The following MRPL48 variants were observed in gnomAD, a reference collection of about 807,000 sequenced individuals.
MRPL48 encodes the protein large ribosomal subunit protein mL48.
MRPL48 carries 16 observed loss-of-function variants against 32.9 expected under a neutral mutation model. That is an observed-to-expected ratio of 0.49 (90% confidence interval 0.33 to 0.74). The LOEUF is 0.74. Ranked by LOEUF, MRPL48 falls within the 30% of genes least tolerant of loss-of-function variation. The probability of loss-of-function intolerance (pLI) is 0.02; values close to 1 mark genes in which losing one functional copy is unlikely to be tolerated. For synonymous variants in MRPL48, 94 were observed against 89.2 expected (o/e 1.05, Z -0.31); for missense variants, 206 against 245.3 (o/e 0.84, Z 1.07).
chr11:73,858,746 C>T (rs1948530933), intron 5 of MRPL48, among the ~76,000 whole-genome samples: 1 of 152,138 alleles, frequency 6.6e-6, no homozygotes, highest in South Asian at 2.1e-4. Flanking sequence ...TCCATGTAGC[C>T]ATTAGTCCAG....
At position 73,798,293 on chromosome 11, in the gene MRPL48, C is replaced by T. The variant is rs58755935; in HGVS notation, c.22-6734C>T. Among the ~76,000 whole-genome samples, 577 of 152,164 alleles carry T rather than the reference C, an allele frequency of 3.8e-3. 4 individuals are homozygous for T. Among genetic ancestry groups the T allele is most frequent in the African/African-American group, 0.013 (548 of 41,522 alleles). ...AAATACAGCCTTTTACAAAATACAG[C>T]CTGTTGGCCAGGCTGGTTTCAAACT... On this transcript the variant is annotated intron_variant, in intron 1 of 7. Coordinates refer to ENST00000310614, the MANE Select transcript of MRPL48 (RefSeq NM_016055.6).
At chr11:73,821,364 T>C (rs1054604865) in intron 3 of MRPL48, among the ~76,000 whole-genome samples, 1 of 152,130 alleles carries the variant, frequency 6.6e-6, no homozygotes, top group Non-Finnish European at 1.5e-5. Flanking sequence ...TAGACTATAA[T>C]CTCCATAAGC....
chr11:73,848,518 T>A (rs1948335988), intron 5 of MRPL48, among the ~76,000 whole-genome samples: 1 of 149,058 alleles, frequency 6.7e-6, no homozygotes, highest in African/African-American at 2.5e-5. Flanking sequence ...TTGTGTTGAA[T>A]CTGTAGATCA....
intron 5 of MRPL48, among the ~76,000 whole-genome samples, chr11:73,846,285 C>T (rs1948285836): frequency 2.0e-5 from 3 of 151,920 alleles, no homozygotes; most frequent in African/African-American, 7.2e-5. Context: ...CAAAGGTCAT[C>T]CATGTGGTAG....
Position 73,835,053 on chromosome 11 carries a change from A to G in MRPL48, c.201+9257A>G, listed in dbSNP as rs147764022. 5.3e-5 allele frequency among the ~76,000 whole-genome samples: 8 copies of G among 150,956 alleles called. No individual in the cohort carries two copies. In the East Asian group the frequency reaches 1.6e-3, roughly 29 times the overall value. ...TTGCCATGTTGCCCAGGCTTGTCTCAAACTTCTGGGCTCAAGCAATCTACC... is the reference window on the plus strand; with the variant it reads ...TTGCCATGTTGCCCAGGCTTGTCTCGAACTTCTGGGCTCAAGCAATCTACC... On this transcript the variant is annotated intron_variant, in intron 4 of 7. Transcript: ENST00000310614.
At chr11:73,788,472 C>CTT (rs11352308) in intron 1 of MRPL48, among the ~76,000 whole-genome samples, 1,382 of 109,548 alleles carry the variant, frequency 0.013, 24 homozygotes, top group Admixed American at 0.031. Flanking sequence ...TCTTTTCTTT[C>CTT]TTTTTTTTTT....
intron 4 of MRPL48, among the ~76,000 whole-genome samples, chr11:73,833,009 A>T (rs1448378123): frequency 6.6e-6 from 1 of 152,192 alleles, no homozygotes; most frequent in Non-Finnish European, 1.5e-5. Context: ...TAAACTAAAT[A>T]TCAAGAGAAC....
intron 4 of MRPL48, among the ~76,000 whole-genome samples, chr11:73,827,812 A>G (rs976295447): frequency 6.6e-6 from 1 of 152,138 alleles, no homozygotes; most frequent in African/African-American, 2.4e-5. Flanking sequence ...ATTACCACCT[A>G]TCAGGCCTGT....
At chr11:73,841,860 A>G (rs1287606607) in intron 4 of MRPL48, among the ~76,000 whole-genome samples, 1 of 152,158 alleles carries the variant, frequency 6.6e-6, no homozygotes, top group Non-Finnish European at 1.5e-5. Context: ...AACAGAAGAA[A>G]ATAGTTTAAA....
intron 4 of MRPL48, among the ~76,000 whole-genome samples, chr11:73,833,884 G>C (rs566190100): frequency 2.4e-4 from 36 of 151,938 alleles, no homozygotes; most frequent in African/African-American, 7.5e-4. Flanking sequence ...TTTGAGATGG[G>C]CTCACTCTGT....
rs556756202 is a variant in MRPL48 at position 73,862,062 on chromosome 11, C to A, written c.475-1110C>A. 2.0e-5 allele frequency among the ~76,000 whole-genome samples: 3 copies of A among 152,214 alleles called. No homozygotes were observed. The East Asian group carries it at 5.8e-4, about 29-fold the overall frequency. ...CAGCACTTTGGGAGAACAAGGCGGG[C>A]GGATCACTTAAGGTGAGGAGTTTGA... On this transcript the variant is annotated intron_variant, in intron 6 of 7. Coordinates refer to ENST00000310614, the MANE Select transcript of MRPL48 (RefSeq NM_016055.6).
intron 1 of MRPL48, among the ~76,000 whole-genome samples, chr11:73,794,558 G>GA (rs202160777): frequency 0.23 from 32,926 of 140,632 alleles, 3,927 homozygotes; most frequent in African/African-American, 0.33. Context: ...TCCATCTCTG[G>GA]AAAAAAAAAA....
Position 73,864,511 on chromosome 11 carries a change from C to T in MRPL48, c.*141C>T, listed in dbSNP as rs1194045644. 4 of 772,874 alleles carry T rather than the reference C, an allele frequency of 5.2e-6. No homozygotes were observed. The Admixed American group carries it at 9.9e-5, about 19-fold the overall frequency. 47.9% of individuals were successfully genotyped at this position (772,874 alleles called of 1,614,324 possible). Reference sequence around the variant, plus strand: ...CCCATAGCCAGTAATGTCCTCACTCCTCTGTGGCTTGGCTGTACTTGCCAT... The same window carrying T: ...CCCATAGCCAGTAATGTCCTCACTCTTCTGTGGCTTGGCTGTACTTGCCAT... On this transcript the variant is annotated 3_prime_UTR_variant, in exon 8 of 8. Coordinates refer to ENST00000310614, the MANE Select transcript of MRPL48 (RefSeq NM_016055.6).
At chr11:73,799,487 T>C (rs1947317137) in intron 1 of MRPL48, among the ~76,000 whole-genome samples, 1 of 152,202 alleles carries the variant, frequency 6.6e-6, no homozygotes, top group Admixed American at 6.5e-5. Context: ...GCTCTGATTG[T>C]GGGGTCAGCT....
chr11:73,792,040 G>T (rs1947162611), intron 1 of MRPL48, among the ~76,000 whole-genome samples: 1 of 152,174 alleles, frequency 6.6e-6, no homozygotes, highest in South Asian at 2.1e-4. Flanking sequence ...TAACAGACAT[G>T]CCCTTCTGTG....
chr11:73,828,365 C>T (rs1590970140), intron 4 of MRPL48, among the ~76,000 whole-genome samples: 1 of 151,862 alleles, frequency 6.6e-6, no homozygotes, highest in South Asian at 2.1e-4. Context: ...GCTGGGACTA[C>T]AGGCATGCAC....
chr11:73,816,304 G>C (rs574239774), intron 3 of MRPL48, among the ~76,000 whole-genome samples: 1 of 136,076 alleles, frequency 7.3e-6, no homozygotes, highest in African/African-American at 2.8e-5. Context: ...CTCGTGATCC[G>C]CCCGCCTCGG....
intron 2 of MRPL48, among the ~76,000 whole-genome samples, chr11:73,806,803 T>A (rs992687961): frequency 1.3e-5 from 2 of 152,184 alleles, no homozygotes; most frequent in Non-Finnish European, 2.9e-5. Flanking sequence ...GGGTTGGAAT[T>A]AGGATTCAAA....
chr11:73,856,768 A>G (rs1453142110), intron 5 of MRPL48, among the ~76,000 whole-genome samples: 4 of 152,152 alleles, frequency 2.6e-5, no homozygotes. Context: ...CCTAAATAGC[A>G]TTATTTTGTC....
Sources: gnomAD v4.1 joint callset for allele counts (sites outside exome capture counted in the v4.1 genomes callset) on GRCh38, gnomAD v4.1.1 for gene constraint, MANE v1.5 for transcripts, NCBI Gene and HGNC (gene_info 2026-07-23, HGNC 2026-07-21) for gene names.